The following MRO variants were observed in gnomAD, a reference collection of about 807,000 sequenced individuals.
MRO encodes the protein protein maestro.
A neutral mutation model predicts 31.0 loss-of-function variants in MRO; 28 were observed. That is an observed-to-expected ratio of 0.90 (90% CI 0.67 to 1.24). The LOEUF (loss-of-function observed/expected upper bound fraction) is 1.24. Among genes scored for constraint, MRO ranks in the 50% most tolerant of loss-of-function variants. The pLI, the probability that MRO is intolerant of heterozygous loss-of-function variation, is 0.00. For missense variants in MRO, 332 were observed against 289.2 expected (o/e 1.15, Z -1.07); for synonymous variants, 108 against 108.4 (o/e 1.00, Z 0.02).
intron 2 of MRO, among the ~76,000 whole-genome samples, chr18:50,812,727 G>A (rs1471610906): frequency 6.6e-6 from 1 of 152,148 alleles, no homozygotes; most frequent in Non-Finnish European, 1.5e-5. Flanking sequence ...TAGAACCATT[G>A]ACTTGTATGT....
At chr18:50,817,083 G>A (rs1914990266) in intron 2 of MRO, among the ~76,000 whole-genome samples, 1 of 152,168 alleles carries the variant, frequency 6.6e-6, no homozygotes, top group Non-Finnish European at 1.5e-5. Context: ...ATGCTCCCAT[G>A]CACGGCAAAG....
Position 50,796,567 on chromosome 18 carries a change from ATG to A in MRO, c.*2768_*2769del, listed in dbSNP as rs145506660. The A allele has an allele frequency of 3.5e-4, 53 of 150,504 alleles. No homozygotes were observed. The highest frequency in any genetic ancestry group is 2.1e-3 in the East Asian group (11 of 5,154). The allele number at this position is 150,504 out of a possible 1,614,324, so 9.3% of individuals were successfully genotyped here. A position where few individuals can be genotyped will look rare whatever the true frequency, so the allele number is the denominator to read the frequency against. ...AGTACAGATAAGAGATACACGTGAA[ATG>A]TGTGTGTGTGTGTGTGCATGTGATT... On this transcript the variant is annotated 3_prime_UTR_variant, in exon 8 of 8. Transcript: ENST00000398439.
At chr18:50,809,162 A>C (rs1294087287) in intron 3 of MRO, 140 bp downstream of exon 3, 15 of 355,074 alleles carry the variant, frequency 4.2e-5, no homozygotes, top group African/African-American at 3.0e-4. Flanking sequence ...AAAAAAAAAA[A>C]AAAAAAAAAA....
rs1913819441 is a variant in MRO, at chr18:50,805,317, A to G, written c.266T>C (p.Ile89Thr). The G allele has an allele frequency of 6.2e-7, 1 of 1,613,718 alleles. No individual in the cohort carries two copies. Among genetic ancestry groups the G allele is most frequent in the East Asian group, 2.2e-5 (1 of 44,862 alleles). ...TCCATACACCAGCAGGTCGAGGACA[A>G]TTTTCTTATACTTTCTCACCTGTCA... is the stretch of plus-strand genomic sequence containing the variant. The part of the protein sequence containing the change: ...APDKVRKYKK[I>T]VLDLLVYGLY... Residue 89 changes from isoleucine to threonine, a missense_variant, in exon 5 of 8, where the codon ATT becomes ACT. By Grantham distance (89) the Ile-to-Thr change is moderately conservative. Transcript: ENST00000398439.
chr18:50,806,876 A>G (rs1408249723), intron 3 of MRO, 26 bp from the exon 4 acceptor site: 10 of 1,612,846 alleles, frequency 6.2e-6, no homozygotes, highest in Non-Finnish European at 8.5e-6. Flanking sequence ...AAAATGTATT[A>G]ATTTGGGAGT....
upstream of MRO, among the ~76,000 whole-genome samples, chr18:50,821,008 T>G (rs1412241229): frequency 6.6e-6 from 1 of 152,088 alleles, no homozygotes; most frequent in African/African-American, 2.4e-5. Flanking sequence ...ACAATTTCAA[T>G]AGAGTGACAG....
At chr18:50,804,743 A>G (rs1908626112) in intron 5 of MRO, among the ~76,000 whole-genome samples, 1 of 152,154 alleles carries the variant, frequency 6.6e-6, no homozygotes, top group Admixed American at 6.5e-5. Flanking sequence ...ATAAGTGAAT[A>G]CTAGAGACCT....
intron 5 of MRO, 80 bp from the exon 6 acceptor site, chr18:50,801,584 C>G (rs552649690): frequency 1.6e-5 from 21 of 1,315,364 alleles, no homozygotes; most frequent in Non-Finnish European, 1.7e-5. Context: ...TCACAGCCAT[C>G]GGTCAGAACA....
intron 2 of MRO, 91 bp downstream of exon 2, chr18:50,819,490 A>G: frequency 6.6e-7 from 1 of 1,511,562 alleles, no homozygotes. Context: ...ACTGGTGACC[A>G]GAGTGACATT....
chr18:50,806,657 G>T (rs1913965241), intron 4 of MRO, 47 bp downstream of exon 4: 1 of 1,610,406 alleles, frequency 6.2e-7, no homozygotes. Context: ...CACCAAGGTG[G>T]TTGGAGAGGC....
chr18:50,823,505 T>C (rs1915388286), upstream of MRO: 1 of 152,264 alleles, frequency 6.6e-6, no homozygotes, highest in South Asian at 2.1e-4. Context: ...TTGATAGTTA[T>C]TGTTGGTACC....
At chr18:50,820,017 G>A (rs1915243175), upstream of MRO, 6 of 1,478,046 alleles carry the variant, frequency 4.1e-6, 1 homozygote, top group African/African-American at 7.0e-5. Context: ...TGGCAATTCT[G>A]GGGACCTTTC....
chr18:50,819,579 AC>A lies in MRO; in HGVS notation c.-5+1del. ...GCTGCCCCGGCCAACAGTGTCCCTT[AC>A]CTGCGGCTCCTGCAGGCGGCTGCCA... is the stretch of plus-strand genomic sequence containing the variant. On this transcript the variant is annotated splice_donor_variant, in intron 2 of 7. Coordinates refer to ENST00000398439, the MANE Select transcript of MRO (RefSeq NM_031939.6). LOFTEE classifies it low-confidence loss of function (5UTR_SPLICE). 3.9e-6 allele frequency: 6 copies of A among 1,551,600 alleles called. No individual in the cohort carries two copies. Among genetic ancestry groups the A allele is most frequent in the Non-Finnish European group, 5.2e-6 (6 of 1,146,960 alleles).
At chr18:50,815,688 T>C in intron 2 of MRO, 1 of 424,222 alleles carries the variant, frequency 2.4e-6, no homozygotes, top group Non-Finnish European at 4.6e-6. Context: ...TGGTGACCGT[T>C]ATGGATCTGG....
rs34737119 is a variant in MRO at position 50,798,052 on chromosome 18, TC to T, written c.*1284del. 6.6e-6 allele frequency: 1 copy of T among 152,118 alleles called. No homozygotes were observed. The highest frequency in any genetic ancestry group is 1.5e-5 in the Non-Finnish European group (1 of 68,030). The allele number at this position is 152,118 out of a possible 1,614,324, so 9.4% of individuals were successfully genotyped here. A position where few individuals can be genotyped will look rare whatever the true frequency, so the allele number is the denominator to read the frequency against. ...TAAGATCCAGCTATAGCTTTTATAA[TC>T]CCCCGTGTTTTAAATTGTCTTGAAC... On this transcript the variant is annotated 3_prime_UTR_variant, in exon 8 of 8. Transcript: ENST00000398439.
In MRO at chr18:50,809,406, T is replaced by TA. The variant is rs777914139; in HGVS notation, c.-4-3dup. 6.2e-7 allele frequency: 1 copy of TA among 1,606,046 alleles called. No individual in the cohort carries two copies. Among genetic ancestry groups the TA allele is most frequent in the East Asian group, 2.2e-5 (1 of 44,704 alleles). ...CTCCTCTGTCTTTGGTCCATGGAAC[T>TA]AAAAACAAAACAAAACAAAATCACA... On this transcript the variant is annotated splice_polypyrimidine_tract_variant and splice_region_variant and intron_variant, in intron 2 of 7. Transcript: ENST00000398439.
At chr18:50,811,475 C>T (rs1325924288) in intron 2 of MRO, among the ~76,000 whole-genome samples, 1 of 152,062 alleles carries the variant, frequency 6.6e-6, no homozygotes, top group Admixed American at 6.5e-5. Context: ...TTATAACTGG[C>T]TTCTTTTTCT....
chr18:50,801,562 C>CA, intron 5 of MRO, 58 bp from the exon 6 acceptor site: 1 of 1,468,504 alleles, frequency 6.8e-7, no homozygotes, highest in Non-Finnish European at 9.3e-7. Context: ...AAGGCAACTG[C>CA]ATCTGAACAC....
chr18:50,823,019 A>G (rs570529917), upstream of MRO, among the ~76,000 whole-genome samples: 50 of 151,962 alleles, frequency 3.3e-4, no homozygotes, highest in African/African-American at 1.1e-3. Context: ...ACTCGGGAAA[A>G]CCCTTTGTAG....
Sources: gnomAD v4.1 joint callset for allele counts (sites outside exome capture counted in the v4.1 genomes callset) on GRCh38, gnomAD v4.1.1 for gene constraint, MANE v1.5 for transcripts, NCBI Gene and HGNC (gene_info 2026-07-23, HGNC 2026-07-21) for gene names.